EPB41L4A: variants seen among roughly 807,000 people sequenced by gnomAD.
EPB41L4A encodes erythrocyte membrane protein band 4.1 like 4A, also known as band 4.1-like protein 4A.
EPB41L4A carries 100 observed loss-of-function variants against 108.6 expected under a neutral mutation model. The observed-to-expected ratio is 0.92, with a 90% CI of 0.78 to 1.09. EPB41L4A has a LOEUF of 1.09. Among genes scored for constraint, EPB41L4A ranks in the 50% least tolerant of loss-of-function variants. The pLI, the probability that EPB41L4A is intolerant of heterozygous loss-of-function variation, is 0.00. For synonymous variants in EPB41L4A, 319 were observed against 289.0 expected (o/e 1.10, Z -1.05); for missense variants, 1,030 against 842.7 (o/e 1.22, Z -2.75).
intron 1 of EPB41L4A, among the ~76,000 whole-genome samples, chr5:112,408,226 T>A (rs1469777278): frequency 6.6e-6 from 1 of 152,126 alleles, no homozygotes; most frequent in Non-Finnish European, 1.5e-5. Context: ...TAGACCTAAA[T>A]GTAAGACCTA....
At chr5:112,270,759 A>G (rs1247178970) in intron 4 of EPB41L4A, among the ~76,000 whole-genome samples, 2 of 152,172 alleles carry the variant, frequency 1.3e-5, no homozygotes, top group East Asian at 3.9e-4. Flanking sequence ...GAGGAAGCCA[A>G]ATAAAACAAA....
At chr5:112,210,795 T>C (rs564883208) in intron 12 of EPB41L4A, among the ~76,000 whole-genome samples, 1 of 152,080 alleles carries the variant, frequency 6.6e-6, no homozygotes, top group Admixed American at 6.5e-5. Context: ...GAGGAGGCAG[T>C]TTAGATGATC....
At chr5:112,245,446 C>A (rs1561506866) in intron 9 of EPB41L4A, among the ~76,000 whole-genome samples, 1 of 152,204 alleles carries the variant, frequency 6.6e-6, no homozygotes, top group African/African-American at 2.4e-5. Context: ...AATGATGCTG[C>A]CCAACTTAGG....
chr5:112,392,505 A>T (rs1184511938), intron 1 of EPB41L4A, among the ~76,000 whole-genome samples: 2 of 152,110 alleles, frequency 1.3e-5, no homozygotes, highest in Non-Finnish European at 2.9e-5. Context: ...GCCATTACAT[A>T]ATGGTAAAGG....
intron 9 of EPB41L4A, among the ~76,000 whole-genome samples, chr5:112,247,986 TG>T (rs1201202836): frequency 2.0e-5 from 3 of 152,196 alleles, no homozygotes; most frequent in African/African-American, 7.2e-5. Flanking sequence ...CAAGTTTCCT[TG>T]GGTACAAATA....
At position 112,394,239 on chromosome 5, in the gene EPB41L4A, G is replaced by C. The variant is rs189035003; in HGVS notation, c.99+24702C>G. On this transcript the variant is annotated intron_variant, in intron 1 of 22. Transcript: ENST00000261486. ...AACATAGTGTTGAAAGTTCTGGCCA[G>C]TGCAATCAGGCAGGAGAGAGAAATA... Among the ~76,000 whole-genome samples the C allele has an allele frequency of 1.4e-4, 21 of 152,332 alleles. No homozygotes were observed. The East Asian group carries it at 4.0e-3, about 29-fold the overall frequency.
intron 1 of EPB41L4A, among the ~76,000 whole-genome samples, chr5:112,389,629 A>C (rs73214254): frequency 0.14 from 21,458 of 152,114 alleles, 4,247 homozygotes; most frequent in African/African-American, 0.44. Context: ...AATGATCAAC[A>C]TTTTTGTTGT....
At chr5:112,384,424 G>A (rs148892490) in intron 1 of EPB41L4A, among the ~76,000 whole-genome samples, 127 of 150,972 alleles carry the variant, frequency 8.4e-4, no homozygotes, top group African/African-American at 2.6e-3. Context: ...TATAACATTC[G>A]CAATTAACAA....
At chr5:112,351,472 T>TA (rs1318377530) in intron 1 of EPB41L4A, among the ~76,000 whole-genome samples, 1 of 151,850 alleles carries the variant, frequency 6.6e-6, no homozygotes, top group Non-Finnish European at 1.5e-5. Flanking sequence ...AGATCAGAAA[T>TA]AAAAAATCTT....
intron 1 of EPB41L4A, among the ~76,000 whole-genome samples, chr5:112,379,947 T>A (rs1203597778): frequency 1.3e-5 from 2 of 152,242 alleles, no homozygotes; most frequent in Non-Finnish European, 2.9e-5. Context: ...GACGACTATT[T>A]TAAGGAAATT....
At chr5:112,158,800 C>T (rs1008616290), downstream of EPB41L4A, among the ~76,000 whole-genome samples, 1 of 152,134 alleles carries the variant, frequency 6.6e-6, no homozygotes, top group African/African-American at 2.4e-5. Context: ...TCAATTACCT[C>T]CCACCAGCTC....
intron 1 of EPB41L4A, among the ~76,000 whole-genome samples, chr5:112,309,371 C>T (rs551631755): frequency 2.6e-5 from 4 of 152,258 alleles, no homozygotes; most frequent in East Asian, 3.9e-4. Flanking sequence ...TACTCAGGGA[C>T]GTTAAGAACC....
chr5:112,342,677 G>A lies in EPB41L4A; in HGVS notation c.100-35187C>T, dbSNP rs114478138. ...AACTGCCTCCATGGCCACCTGGGTT[G>A]AAGAAGTAAGCAGATCAGACCCAAA... On this transcript the variant is annotated intron_variant, in intron 1 of 22. Transcript: ENST00000261486. Among the ~76,000 whole-genome samples, 1,423 of 152,294 alleles carry A rather than the reference G, an allele frequency of 9.3e-3. 27 individuals carry two copies. The highest frequency in any genetic ancestry group is 0.033 in the African/African-American group (1,360 of 41,558).
intron 2 of EPB41L4A, among the ~76,000 whole-genome samples, chr5:112,286,409 C>T (rs929174407): frequency 6.6e-6 from 1 of 152,184 alleles, no homozygotes; most frequent in South Asian, 2.1e-4. Context: ...CTTGGTATCA[C>T]GCAGAATCCT....
At chr5:112,359,075 T>C (rs1758547319) in intron 1 of EPB41L4A, among the ~76,000 whole-genome samples, 1 of 152,162 alleles carries the variant, frequency 6.6e-6, no homozygotes, top group Admixed American at 6.5e-5. Context: ...CTTCCTGGAG[T>C]ACTGAAAATA....
chr5:112,248,539 C>T, intron 9 of EPB41L4A, among the ~76,000 whole-genome samples: 1 of 152,110 alleles, frequency 6.6e-6, no homozygotes, highest in Non-Finnish European at 1.5e-5. Context: ...CTTCTAAGTC[C>T]AATATCATGT....
chr5:112,147,378 G>A (rs567364749), intron 12 of EPB41L4A, among the ~76,000 whole-genome samples: 13 of 152,196 alleles, frequency 8.5e-5, no homozygotes, highest in Admixed American at 5.2e-4. Flanking sequence ...GGTGACTCAC[G>A]CCTGTAATCC....
At chr5:112,246,991 G>A (rs1299804418) in intron 9 of EPB41L4A, among the ~76,000 whole-genome samples, 3 of 152,192 alleles carry the variant, frequency 2.0e-5, no homozygotes, top group African/African-American at 2.4e-5. Context: ...AAATGATTGA[G>A]ACTTGTCTCG....
intron 1 of EPB41L4A, among the ~76,000 whole-genome samples, chr5:112,408,123 AT>A (rs1353760514): frequency 6.6e-5 from 10 of 152,070 alleles, no homozygotes; most frequent in African/African-American, 1.9e-4. Context: ...TTTTTAATTG[AT>A]TTTTTTTATA....
Sources: gnomAD v4.1 joint callset for allele counts (sites outside exome capture counted in the v4.1 genomes callset) on GRCh38, gnomAD v4.1.1 for gene constraint, MANE v1.5 for transcripts, NCBI Gene and HGNC (gene_info 2026-07-23, HGNC 2026-07-21) for gene names.